The following PRKCA variants were observed in gnomAD, a reference collection of about 807,000 sequenced individuals.
PRKCA encodes the protein protein kinase C alpha, also known as protein kinase C alpha type.
A neutral mutation model predicts 87.0 loss-of-function variants in PRKCA; 27 were observed. The observed-to-expected ratio is 0.31, with a 90% CI of 0.23 to 0.43. PRKCA has a LOEUF of 0.43. Among genes scored for constraint, PRKCA ranks in the 20% least tolerant of loss-of-function variants. The pLI, the probability that PRKCA is intolerant of heterozygous loss-of-function variation, is 1.00. For missense variants in PRKCA, 518 were observed against 852.3 expected, an observed-to-expected ratio of 0.61 and a Z score of 4.88; for synonymous variants, 329 against 311.1, an observed-to-expected ratio of 1.06 and a Z score of -0.61.
Position 66,804,191 on chromosome 17 carries a change from C to A in PRKCA, c.*154C>A. ...GGGTTATTAGTCCAAATGTGATCAA[C>A]TGTTCAGGGTCTCTCTCTTACAACC... On this transcript the variant is annotated 3_prime_UTR_variant, in exon 17 of 17. Coordinates refer to ENST00000413366, the MANE Select transcript of PRKCA (RefSeq NM_002737.3). 1 of 1,012,688 alleles carries A rather than the reference C, an allele frequency of 9.9e-7. No homozygotes were observed. The highest frequency in any genetic ancestry group is 1.4e-6 in the Non-Finnish European group (1 of 718,824). The allele number at this position is 1,012,688 out of a possible 1,614,324, so 62.7% of individuals were successfully genotyped here.
intron 3 of PRKCA, among the ~76,000 whole-genome samples, chr17:66,563,604 C>A (rs1274692910): frequency 1.3e-5 from 2 of 152,168 alleles, no homozygotes; most frequent in African/African-American, 4.8e-5. Context: ...AAGTCCTGTG[C>A]TCTTTTAAGA....
rs183202357 is a variant in PRKCA, at chr17:66,384,831, T to C, written c.205+78704T>C. Among the ~76,000 whole-genome samples, 119 of 152,142 alleles carry C rather than the reference T, an allele frequency of 7.8e-4. 1 individual carries two copies. In the East Asian group the frequency reaches 0.018, roughly 23 times the overall value. On this transcript the variant is annotated intron_variant, in intron 2 of 16. Coordinates refer to ENST00000413366, the MANE Select transcript of PRKCA (RefSeq NM_002737.3). ...ATTTTTAGTAGAGACGGGGTTTCAC[T>C]GTGTTAGCCAGGATGGTCTCAATCT... is the stretch of plus-strand genomic sequence containing the variant.
chr17:66,743,131 C>T (rs1377316655), intron 13 of PRKCA, among the ~76,000 whole-genome samples: 1 of 152,176 alleles, frequency 6.6e-6, no homozygotes, highest in Non-Finnish European at 1.5e-5. Context: ...GAGTTCAAGA[C>T]CAGCCTGGCC....
chr17:66,423,742 A>G (rs1386501251), intron 2 of PRKCA, among the ~76,000 whole-genome samples: 2 of 152,212 alleles, frequency 1.3e-5, no homozygotes, highest in Non-Finnish European at 2.9e-5. Context: ...AAATATTTAA[A>G]GCACACTTAT....
chr17:66,702,998 T>C (rs185903772), intron 8 of PRKCA, among the ~76,000 whole-genome samples: 133 of 152,266 alleles, frequency 8.7e-4, no homozygotes, highest in Middle Eastern at 3.4e-3. Context: ...TTACCCTGAA[T>C]GGAGGTTGCA....
At chr17:66,622,219 G>A (rs534123793) in intron 3 of PRKCA, among the ~76,000 whole-genome samples, 83 of 152,296 alleles carry the variant, frequency 5.4e-4, no homozygotes, top group African/African-American at 2.0e-3. Flanking sequence ...TTGACTAACA[G>A]TCATAATAAC....
chr17:66,353,034 T>C (rs1357619511), intron 2 of PRKCA, among the ~76,000 whole-genome samples: 2 of 152,200 alleles, frequency 1.3e-5, no homozygotes, highest in Non-Finnish European at 2.9e-5. Flanking sequence ...TGTCAAGAGT[T>C]ATTGCTAATT....
At chr17:66,426,573 A>G (rs1466253146) in intron 2 of PRKCA, among the ~76,000 whole-genome samples, 2 of 152,152 alleles carry the variant, frequency 1.3e-5, no homozygotes, top group Non-Finnish European at 2.9e-5. Flanking sequence ...ATCTGCTGGC[A>G]CCAGTACTAT....
At position 66,805,735 on chromosome 17, in the gene PRKCA, C is replaced by T. The variant is rs1195683439; in HGVS notation, c.*1698C>T. The T allele has an allele frequency of 6.6e-6, 1 of 152,176 alleles. No individual in the cohort carries two copies. Among genetic ancestry groups the T allele is most frequent in the African/African-American group, 2.4e-5 (1 of 41,442 alleles). 9.4% of individuals were successfully genotyped at this position (152,176 alleles called of 1,614,324 possible). A position where few individuals can be genotyped will look rare whatever the true frequency, so the allele number is the denominator to read the frequency against. On this transcript the variant is annotated 3_prime_UTR_variant, in exon 17 of 17. Coordinates refer to ENST00000413366, the MANE Select transcript of PRKCA (RefSeq NM_002737.3). ...ACAACAGGAAGTGTCTGATTCCAGTCTGCCTAGTACGTTGGTACACACGTG... is the reference window on the plus strand; with the variant it reads ...ACAACAGGAAGTGTCTGATTCCAGTTTGCCTAGTACGTTGGTACACACGTG...
intron 2 of PRKCA, among the ~76,000 whole-genome samples, chr17:66,483,934 A>G (rs1360241020): frequency 6.6e-6 from 1 of 152,138 alleles, no homozygotes; most frequent in African/African-American, 2.4e-5. Context: ...GATAGTTTGT[A>G]TTAGTCCGTT....
intron 2 of PRKCA, among the ~76,000 whole-genome samples, chr17:66,382,251 G>A (rs765855386): frequency 1.3e-5 from 2 of 152,146 alleles, no homozygotes; most frequent in Non-Finnish European, 2.9e-5. Flanking sequence ...ATGCACTGAA[G>A]AGAAATGCTT....
intron 5 of PRKCA, among the ~76,000 whole-genome samples, chr17:66,680,715 AGAACC>A (rs1293763250): frequency 6.6e-6 from 1 of 152,128 alleles, no homozygotes; most frequent in East Asian, 1.9e-4. Flanking sequence ...TGAATCCTTC[AGAACC>A]TCTGCATGAC....
intron 3 of PRKCA, among the ~76,000 whole-genome samples, chr17:66,545,378 A>G (rs751860608): frequency 7.2e-5 from 11 of 152,328 alleles, no homozygotes; most frequent in East Asian, 3.9e-4. Flanking sequence ...GCAGTGAGCC[A>G]AGATTGTGCC....
chr17:66,776,565 C>T (rs566389489), intron 14 of PRKCA, among the ~76,000 whole-genome samples: 8 of 152,264 alleles, frequency 5.3e-5, no homozygotes, highest in African/African-American at 1.9e-4. Context: ...GCCTCAGCCT[C>T]CCAAAGTGCT....
Position 66,788,844 on chromosome 17 carries a change from G to A in PRKCA, c.1719G>A (p.Met573Ile), listed in dbSNP as rs763386871. 9 of 1,611,116 alleles carry A rather than the reference G, an allele frequency of 5.6e-6. No individual in the cohort carries two copies. In the Admixed American group the frequency reaches 1.4e-4, roughly 24 times the overall value. Residue 573 changes from methionine (M) to isoleucine (I), a missense_variant, in exon 16 of 17, where the codon ATG becomes ATA. By Grantham distance (10) the Met-to-Ile change is conservative. This residue lies in a region of PRKCA where 159 missense variants were observed against 232.4 expected (regional missense o/e 0.68). Transcript: ENST00000413366. ...KEAVSVCKGLMTKHPAKRLGC... is the reference protein window; with the variant it reads ...KEAVSVCKGLITKHPAKRLGC... ...TTTCTCCTTTTCCTTTCTAGCTGAT[G>A]ACCAAACACCCAGCCAAGCGGCTGG...
chr17:66,496,401 A>T, intron 3 of PRKCA, 118 bp downstream of exon 3: 1 of 811,478 alleles, frequency 1.2e-6, no homozygotes, highest in Non-Finnish European at 2.0e-6. Context: ...CTCAATTCTC[A>T]TAGAGCGTTG....
chr17:66,348,148 G>A (rs1250632375), intron 2 of PRKCA, among the ~76,000 whole-genome samples: 2 of 151,910 alleles, frequency 1.3e-5, no homozygotes, highest in East Asian at 1.9e-4. Flanking sequence ...CACCATGTTT[G>A]CCAGGCTGGT....
At chr17:66,590,659 G>A (rs1193182534) in intron 3 of PRKCA, among the ~76,000 whole-genome samples, 2 of 152,136 alleles carry the variant, frequency 1.3e-5, no homozygotes, top group Admixed American at 6.5e-5. Flanking sequence ...AGACCAGACT[G>A]GCCAATGTGG....
intron 3 of PRKCA, among the ~76,000 whole-genome samples, chr17:66,618,851 C>T (rs192288608): frequency 4.5e-4 from 69 of 152,154 alleles, no homozygotes; most frequent in African/African-American, 6.0e-4. Flanking sequence ...ATAAATCTTC[C>T]CTCCCTCCCT....
Sources: allele counts gnomAD v4.1 joint callset (sites outside exome capture counted in the v4.1 genomes callset), GRCh38; gene constraint gnomAD v4.1.1; regional missense constraint gnomAD v4.1.1; transcripts MANE v1.5; gene names NCBI Gene and HGNC (gene_info 2026-07-23, HGNC 2026-07-21).